The following MED29 variants were observed in gnomAD, a reference collection of about 807,000 sequenced individuals.
MED29 encodes the protein mediator of RNA polymerase II transcription subunit 29.
Under a neutral mutation model 22.0 loss-of-function variants are expected in MED29, and 14 were observed. That is an observed-to-expected ratio of 0.64 (90% CI 0.42 to 0.99). The LOEUF (loss-of-function observed/expected upper bound fraction) is 0.99. MED29 is among the 50% of genes least tolerant of loss of function. The pLI is 0.00. For missense variants in MED29, 241 were observed against 253.7 expected, an observed-to-expected ratio of 0.95 and a Z score of 0.34; for synonymous variants, 123 against 107.8, an observed-to-expected ratio of 1.14 and a Z score of -0.87.
intron 2 of MED29, 71 bp downstream of exon 2, chr19:39,392,593 TGCTCCCC>T: frequency 1.5e-6 from 2 of 1,295,584 alleles, no homozygotes; most frequent in Admixed American, 3.5e-5. Context: ...TTCCTTCTCC[TGCTCCCC>T]GCCCACCTCA....
Position 39,392,567 on chromosome 19 carries a change from T to C in MED29, c.275+45T>C, listed in dbSNP as rs148251396. ...CCAGGATATTCTATTGCCTTCCCAG[T>C]CTTTGAAATTCATCTTTCCTTCTCC... is the stretch of plus-strand genomic sequence containing the variant. On this transcript the variant is annotated intron_variant, in intron 2 of 3. Coordinates refer to ENST00000315588, the MANE Select transcript of MED29 (RefSeq NM_017592.4). The C allele has an allele frequency of 5.5e-4, 846 of 1,532,516 alleles. 5 individuals carry two copies. In the African/African-American group the frequency reaches 9.2e-3, roughly 17 times the overall value. 94.9% of individuals were successfully genotyped at this position (1,532,516 alleles called of 1,614,324 possible).
intron 2 of MED29, 72 bp downstream of exon 2, chr19:39,392,594 G>A (rs928167087): frequency 1.3e-4 from 175 of 1,309,990 alleles, no homozygotes; most frequent in Non-Finnish European, 1.8e-4. Flanking sequence ...TCCTTCTCCT[G>A]CTCCCCGCCC....
At chr19:39,395,315 C>T (rs1220853458) in intron 3 of MED29, among the ~76,000 whole-genome samples, 2 of 152,118 alleles carry the variant, frequency 1.3e-5, no homozygotes, top group Non-Finnish European at 2.9e-5. Flanking sequence ...TGAATATAAT[C>T]CTAAGGGCAC....
At chr19:39,394,552 C>T (rs1033588388) in intron 3 of MED29, among the ~76,000 whole-genome samples, 5 of 143,416 alleles carry the variant, frequency 3.5e-5, no homozygotes, top group Admixed American at 2.9e-4. Flanking sequence ...CCACTGCACC[C>T]GGCCTTTTTT....
rs921294279 is a variant in MED29 at position 39,391,877 on chromosome 19, T to C, written c.216+239T>C. On this transcript the variant is annotated intron_variant, in intron 1 of 3. Transcript: ENST00000315588. ...TCGTCTCTACTAAAAATACAAAAAT[T>C]AGCCGGGCATGGTGGCGCGCGCCTG... Among the ~76,000 whole-genome samples the C allele has an allele frequency of 2.0e-5, 3 of 151,938 alleles. No individual in the cohort carries two copies. The East Asian group carries it at 5.8e-4, about 29-fold the overall frequency.
chr19:39,398,936 G>C lies in MED29; in HGVS notation c.*1237G>C, dbSNP rs2078445900. 6.6e-6 allele frequency: 1 copy of C among 152,236 alleles called. No homozygotes were observed. Among genetic ancestry groups the C allele is most frequent in the Non-Finnish European group, 1.5e-5 (1 of 68,050 alleles). The allele number at this position is 152,236 out of a possible 1,614,324, so 9.4% of individuals were successfully genotyped here. A position where few individuals can be genotyped will look rare whatever the true frequency, so the allele number is the denominator to read the frequency against. Reference sequence around the variant, plus strand: ...TCCCCACACTGGAAAACTGGGAAATGGCCAGCTGTGTGTCCCAGGAAATTC... The same window carrying C: ...TCCCCACACTGGAAAACTGGGAAATCGCCAGCTGTGTGTCCCAGGAAATTC... On this transcript the variant is annotated 3_prime_UTR_variant, in exon 4 of 4. Transcript: ENST00000315588.
Position 39,397,833 on chromosome 19 carries a change from G to A in MED29, c.*134G>A. Reference sequence around the variant, plus strand: ...CCGCAGCGGGAGCCAGCAGGGGGCAGCAGAGGCCAACAGGGAGCTCGCAGG... The same window carrying A: ...CCGCAGCGGGAGCCAGCAGGGGGCAACAGAGGCCAACAGGGAGCTCGCAGG... On this transcript the variant is annotated 3_prime_UTR_variant, in exon 4 of 4. Coordinates refer to ENST00000315588, the MANE Select transcript of MED29 (RefSeq NM_017592.4). The A allele has an allele frequency of 7.0e-7, 1 of 1,426,864 alleles. No individual in the cohort carries two copies. The highest frequency in any genetic ancestry group is 9.3e-7 in the Non-Finnish European group (1 of 1,075,238). The allele number at this position is 1,426,864 out of a possible 1,614,324, so 88.4% of individuals were successfully genotyped here.
chr19:39,391,774 C>G lies in MED29; in HGVS notation c.216+136C>G, dbSNP rs368782887. ...CTGTTTTGGCCTGGCTGGTGCACGC[C>G]TGTGTTCCCAGCACTTTGGGAGGCC... On this transcript the variant is annotated intron_variant, in intron 1 of 3. Transcript: ENST00000315588. 1,122 of 1,088,480 alleles carry G rather than the reference C, an allele frequency of 1.0e-3. 15 individuals are homozygous for G. The East Asian group carries it at 0.028, about 27-fold the overall frequency. 67.4% of individuals were successfully genotyped at this position (1,088,480 alleles called of 1,614,324 possible). A position where few individuals can be genotyped will look rare whatever the true frequency, so the allele number is the denominator to read the frequency against.
intron 1 of MED29, 71 bp from the exon 2 acceptor site, chr19:39,392,393 A>G (rs1600622209): frequency 1.5e-6 from 2 of 1,311,222 alleles, no homozygotes; most frequent in Non-Finnish European, 2.2e-6. Flanking sequence ...CTCAAGAAAG[A>G]GTGTAGATCT....
chr19:39,395,347 A>C (rs555153389), intron 3 of MED29, among the ~76,000 whole-genome samples: 121 of 152,326 alleles, frequency 7.9e-4, no homozygotes, highest in African/African-American at 2.7e-3. Flanking sequence ...GGAGGGTTTC[A>C]AGCAGGGAAG....
At chr19:39,394,232 T>C (rs2078415671) in intron 3 of MED29, among the ~76,000 whole-genome samples, 1 of 151,614 alleles carries the variant, frequency 6.6e-6, no homozygotes, top group Non-Finnish European at 1.5e-5. Flanking sequence ...AAATGTGTAC[T>C]GTAGTATCAT....
At chr19:39,393,093 T>C (rs1426577348) in intron 2 of MED29, among the ~76,000 whole-genome samples, 6 of 92,112 alleles carry the variant, frequency 6.5e-5, no homozygotes, top group African/African-American at 2.1e-4. Flanking sequence ...TTTTTTTTTT[T>C]TTTTTTTTTT....
Position 39,398,134 on chromosome 19 carries a change from T to TC in MED29, c.*439dup. 3.3e-6 allele frequency: 1 copy of TC among 307,264 alleles called. No homozygotes were observed. The highest frequency in any genetic ancestry group is 6.1e-6 in the Non-Finnish European group (1 of 163,912). The allele number at this position is 307,264 out of a possible 1,614,324, so 19.0% of individuals were successfully genotyped here. On this transcript the variant is annotated 3_prime_UTR_variant, in exon 4 of 4. Transcript: ENST00000315588. ...TTCTCTGTTCCTGTTAATGTGTTTCTCCCCATGGTCCTATTTCTCTCACTC... is the reference window on the plus strand; with the variant it reads ...TTCTCTGTTCCTGTTAATGTGTTTCTCCCCCATGGTCCTATTTCTCTCACTC...
Position 39,400,412 on chromosome 19 carries a change from A to G in MED29, c.*2713A>G, listed in dbSNP as rs1256026157. Reference sequence around the variant, plus strand: ...AAGTGGAGGTGTTTACACCAGCAAAATACTCATTTTTTAAGTGTAATTAAG... The same window carrying G: ...AAGTGGAGGTGTTTACACCAGCAAAGTACTCATTTTTTAAGTGTAATTAAG... On this transcript the variant is annotated 3_prime_UTR_variant, in exon 4 of 4. Coordinates refer to ENST00000315588, the MANE Select transcript of MED29 (RefSeq NM_017592.4). 1 of 152,206 alleles carries G rather than the reference A, an allele frequency of 6.6e-6. No homozygotes were observed. Among genetic ancestry groups the G allele is most frequent in the African/African-American group, 2.4e-5 (1 of 41,448 alleles). 9.4% of individuals were successfully genotyped at this position (152,206 alleles called of 1,614,324 possible).
At chr19:39,394,447 G>C (rs568932004) in intron 3 of MED29, among the ~76,000 whole-genome samples, 5 of 151,906 alleles carry the variant, frequency 3.3e-5, no homozygotes, top group Admixed American at 2.6e-4. Context: ...AGTAGAGATG[G>C]GGTTTCACCA....
At position 39,398,046 on chromosome 19, in the gene MED29, G is replaced by A. The variant is rs1388680185; in HGVS notation, c.*347G>A. ...TCTCCAGCTGGGAGGTGGTCTCTGT[G>A]TGCCACTCCTCTGTGTCTCTATTAC... On this transcript the variant is annotated 3_prime_UTR_variant, in exon 4 of 4. Coordinates refer to ENST00000315588, the MANE Select transcript of MED29 (RefSeq NM_017592.4). The A allele has an allele frequency of 1.9e-6, 1 of 515,576 alleles. No homozygotes were observed. Among genetic ancestry groups the A allele is most frequent in the Non-Finnish European group, 3.5e-6 (1 of 289,100 alleles). The allele number at this position is 515,576 out of a possible 1,614,324, so 31.9% of individuals were successfully genotyped here.
In MED29 at chr19:39,397,814, C is replaced by A; in HGVS notation, c.*115C>A. ...CTCTCTTCCTGCCTGAGCACCGCAG[C>A]GGGAGCCAGCAGGGGGCAGCAGAGG... On this transcript the variant is annotated 3_prime_UTR_variant, in exon 4 of 4. Transcript: ENST00000315588. The A allele has an allele frequency of 1.4e-6, 2 of 1,470,056 alleles. No homozygotes were observed. Among genetic ancestry groups the A allele is most frequent in the East Asian group, 4.9e-5 (2 of 40,538 alleles). The allele number at this position is 1,470,056 out of a possible 1,614,324, so 91.1% of individuals were successfully genotyped here. A position where few individuals can be genotyped will look rare whatever the true frequency, so the allele number is the denominator to read the frequency against.
chr19:39,393,799 C>G (rs763918999), intron 3 of MED29, 162 bp downstream of exon 3: 10 of 660,960 alleles, frequency 1.5e-5, no homozygotes, highest in Non-Finnish European at 2.2e-5. Context: ...GATCCTTGCC[C>G]TTGCAGAGCT....
rs2078411575 is a variant in MED29, at chr19:39,393,558, G to A, written c.281G>A (p.Ser94Asn). Residue 94 changes from serine to asparagine, a missense_variant, in exon 3 of 4, where the codon AGC (serine) becomes AAC (asparagine). Ser to Asn is a conservative substitution (Grantham distance 46). Transcript: ENST00000315588. ...QNTNIDNGQKSSDGPIQRFDK... is the reference protein window; with the variant it reads ...QNTNIDNGQKNSDGPIQRFDK... The stretch of plus-strand genomic sequence containing the variant: ...CCTTTTTTCCTTGTCTGTAGAAAGA[G>A]CAGTGATGGACCCATACAGCGCTTT... The A allele has an allele frequency of 4.3e-6, 7 of 1,613,968 alleles. No individual in the cohort carries two copies. The East Asian group carries it at 1.3e-4, about 31-fold the overall frequency.
Sources: allele counts gnomAD v4.1 joint callset (sites outside exome capture counted in the v4.1 genomes callset), GRCh38; gene constraint gnomAD v4.1.1; transcripts MANE v1.5; gene names NCBI Gene and HGNC (gene_info 2026-07-23, HGNC 2026-07-21).